TRAPPC9: variants seen among roughly 807,000 people sequenced by gnomAD.
The protein encoded by TRAPPC9 is IKK2 binding protein.
In TRAPPC9, 83 loss-of-function variants were observed where a neutral mutation model predicts 124.0. That is an observed-to-expected ratio of 0.67 (90% CI 0.56 to 0.80). The LOEUF (loss-of-function observed/expected upper bound fraction) is 0.80, where lower values mean the gene tolerates loss of function less well. Among genes scored for constraint, TRAPPC9 ranks in the 30% least tolerant of loss-of-function variants. The probability of loss-of-function intolerance (pLI) is 0.00; values close to 1 mark genes in which losing one functional copy is unlikely to be tolerated. For missense variants in TRAPPC9, 1,302 were observed against 1,508.3 expected, an observed-to-expected ratio of 0.86 and a Z score of 2.27; for synonymous variants, 638 against 617.5, an observed-to-expected ratio of 1.03 and a Z score of -0.49.
intron 19 of TRAPPC9, among the ~76,000 whole-genome samples, chr8:139,934,427 G>A (rs1203478051): frequency 1.3e-5 from 2 of 152,212 alleles, no homozygotes; most frequent in Non-Finnish European, 2.9e-5. Flanking sequence ...ATGACAATTT[G>A]CACAGACAAT....
chr8:140,122,478 A>AC (rs2061007299), intron 17 of TRAPPC9, among the ~76,000 whole-genome samples: 1 of 152,256 alleles, frequency 6.6e-6, no homozygotes, highest in Admixed American at 6.5e-5. Flanking sequence ...GTAGGAGTGA[A>AC]CAAAAGTCTT....
intron 17 of TRAPPC9, among the ~76,000 whole-genome samples, chr8:140,070,973 A>G (rs1296078515): frequency 2.6e-5 from 4 of 152,212 alleles, no homozygotes; most frequent in African/African-American, 9.7e-5. Flanking sequence ...CCTTGGCAGC[A>G]CTCGGCCAGA....
intron 5 of TRAPPC9, among the ~76,000 whole-genome samples, chr8:140,419,448 A>ACAAAAC (rs61495855): frequency 6.3e-5 from 6 of 94,764 alleles, no homozygotes; most frequent in African/African-American, 2.4e-4. Flanking sequence ...AAAAAAAAAA[A>ACAAAAC]AAAACAAAAC....
intron 18 of TRAPPC9, among the ~76,000 whole-genome samples, chr8:140,009,030 A>G (rs796774282): frequency 1.3e-4 from 20 of 152,308 alleles, no homozygotes; most frequent in African/African-American, 4.8e-4. Flanking sequence ...AACTGTTTCT[A>G]TTTTTAGTCA....
At chr8:139,858,998 G>A (rs1343710037) in intron 21 of TRAPPC9, among the ~76,000 whole-genome samples, 1 of 150,690 alleles carries the variant, frequency 6.6e-6, no homozygotes, top group Non-Finnish European at 1.5e-5. Flanking sequence ...TCTCTGAGAT[G>A]TCACGTCTTC....
At chr8:139,760,505 C>A (rs1216734226) in intron 21 of TRAPPC9, among the ~76,000 whole-genome samples, 2 of 152,230 alleles carry the variant, frequency 1.3e-5, no homozygotes, top group Non-Finnish European at 2.9e-5. Context: ...CTCTCAGACT[C>A]CCTGAGCTCT....
chr8:139,864,801 T>C (rs559168111), intron 21 of TRAPPC9, among the ~76,000 whole-genome samples: 14 of 152,210 alleles, frequency 9.2e-5, no homozygotes, highest in Non-Finnish European at 1.3e-4. Flanking sequence ...GGACCCAGAC[T>C]GGCTCATCTG....
intron 19 of TRAPPC9, among the ~76,000 whole-genome samples, chr8:139,968,934 G>A (rs745594344): frequency 1.4e-4 from 21 of 152,202 alleles, no homozygotes; most frequent in Non-Finnish European, 2.8e-4. Context: ...TTGTCACATG[G>A]AGAGACCATC....
At chr8:140,068,273 G>A (rs1842976270) in intron 17 of TRAPPC9, among the ~76,000 whole-genome samples, 1 of 152,168 alleles carries the variant, frequency 6.6e-6, no homozygotes, top group African/African-American at 2.4e-5. Context: ...CTTCTGAAGG[G>A]ATGAAGAGAA....
chr8:140,049,550 C>CT (rs1023935825), intron 17 of TRAPPC9, among the ~76,000 whole-genome samples: 17 of 151,946 alleles, frequency 1.1e-4, no homozygotes, highest in Admixed American at 1.1e-3. Flanking sequence ...AGGGCTCCCC[C>CT]CCCCGAGACC....
At chr8:140,125,658 G>A (rs1302804263) in intron 17 of TRAPPC9, among the ~76,000 whole-genome samples, 4 of 140,602 alleles carry the variant, frequency 2.8e-5, no homozygotes, top group Non-Finnish European at 4.5e-5. Context: ...GCAGTGGCGC[G>A]ATCTCGGCTC....
chr8:140,170,829 G>C, intron 17 of TRAPPC9, among the ~76,000 whole-genome samples: 1 of 152,208 alleles, frequency 6.6e-6, no homozygotes, highest in East Asian at 1.9e-4. Flanking sequence ...AGAATGGCCA[G>C]GCCTGCAGCC....
chr8:139,836,210 C>T (rs150077873), intron 21 of TRAPPC9, among the ~76,000 whole-genome samples: 2,079 of 152,200 alleles, frequency 0.014, 59 homozygotes, highest in African/African-American at 0.047. Context: ...GGTTTCATCA[C>T]GTTGGCCAAG....
rs78733950 is a variant in TRAPPC9 at position 140,208,267 on chromosome 8, T to C, written c.2556+13192A>G. Among the ~76,000 whole-genome samples the C allele has an allele frequency of 6.6e-3, 998 of 152,292 alleles. 12 individuals carry two copies. Among genetic ancestry groups the C allele is most frequent in the African/African-American group, 0.023 (942 of 41,554 alleles). On this transcript the variant is annotated intron_variant, in intron 17 of 22. Coordinates refer to ENST00000438773, the MANE Select transcript of TRAPPC9 (RefSeq NM_001160372.4). ...TAAGCTACTTTGAGAGAGCTTACCA[T>C]GTACCATTTCTATGAGACACACCGG...
intron 9 of TRAPPC9, among the ~76,000 whole-genome samples, chr8:140,321,799 A>G (rs2066603590): frequency 6.6e-6 from 1 of 152,210 alleles, no homozygotes; most frequent in African/African-American, 2.4e-5. Flanking sequence ...GGCAGGCAGG[A>G]CAGCTAGGAG....
chr8:140,236,194 T>C (rs1225351265), intron 16 of TRAPPC9, among the ~76,000 whole-genome samples: 1 of 149,920 alleles, frequency 6.7e-6, no homozygotes, highest in African/African-American at 2.5e-5. Context: ...GCGATTCTCC[T>C]GCCTCAGCCT....
Position 139,786,507 on chromosome 8 carries a change from TA to T in TRAPPC9, c.3056-54306del, listed in dbSNP as rs756471569. Reference sequence around the variant, plus strand: ...TTTGTAGAACAGTTTGGAAGCTTCTTAAAAAAAAAAAAATACAACTACCACC... The same window carrying T: ...TTTGTAGAACAGTTTGGAAGCTTCTTAAAAAAAAAAAATACAACTACCACC... On this transcript the variant is annotated intron_variant, in intron 21 of 22. Coordinates refer to ENST00000438773, the MANE Select transcript of TRAPPC9 (RefSeq NM_001160372.4). 5.3e-3 allele frequency among the ~76,000 whole-genome samples: 764 copies of T among 144,674 alleles called. 6 individuals carry two copies. The highest frequency in any genetic ancestry group is 0.01 in the African/African-American group (408 of 39,600). 94.9% of individuals were successfully genotyped at this position (144,674 alleles called of 152,430 possible).
In TRAPPC9 at chr8:140,300,451, C is replaced by T. The variant is rs773173804; in HGVS notation, c.1768+18G>A. On this transcript the variant is annotated intron_variant, in intron 11 of 22. Transcript: ENST00000438773. ...CAGGTGGCAGAGCACGGTGGGAAAG[C>T]CAGGATCGACGTCCTACCTATTTTC... 1.2e-6 allele frequency: 2 copies of T among 1,614,032 alleles called. No homozygotes were observed. Among genetic ancestry groups the T allele is most frequent in the Non-Finnish European group, 1.7e-6 (2 of 1,179,932 alleles).
At chr8:139,902,386 C>CTGGCAAGGCAGGACGTCTCTCTG (rs1563908413) in intron 20 of TRAPPC9, among the ~76,000 whole-genome samples, 1 of 152,064 alleles carries the variant, frequency 6.6e-6, no homozygotes, top group Non-Finnish European at 1.5e-5. Flanking sequence ...GACGGCCTCG[C>CTGGCAAGGCAGGACGTCTCTCTG]TGGCTGGCAA....
Sources: gnomAD v4.1 joint callset for allele counts (sites outside exome capture counted in the v4.1 genomes callset) on GRCh38, gnomAD v4.1.1 for gene constraint, MANE v1.5 for transcripts, NCBI Gene and HGNC (gene_info 2026-07-23, HGNC 2026-07-21) for gene names.